Variants in ULK4 observed in about 807,000 individuals in gnomAD.
ULK4 encodes unc-51 like kinase 4.
ULK4 carries 133 observed loss-of-function variants against 160.6 expected under a neutral mutation model. That is an observed-to-expected ratio of 0.83 (90% confidence interval 0.72 to 0.96). The LOEUF (loss-of-function observed/expected upper bound fraction) is 0.96. ULK4 is among the 40% of genes least tolerant of loss of function. The pLI, the probability that ULK4 is intolerant of heterozygous loss-of-function variation, is 0.00. For synonymous variants in ULK4, 534 were observed against 539.8 expected, an observed-to-expected ratio of 0.99 and a Z score of 0.15; for missense variants, 1,580 against 1,499.5, an observed-to-expected ratio of 1.05 and a Z score of -0.89.
chr3:41,643,199 G>C (rs866001609), intron 30 of ULK4, among the ~76,000 whole-genome samples: 2 of 152,062 alleles, frequency 1.3e-5, no homozygotes, highest in Non-Finnish European at 1.5e-5. Context: ...AGTTTAATTA[G>C]ATCCCATTTG....
At chr3:41,357,760 C>T (rs909940633) in intron 35 of ULK4, among the ~76,000 whole-genome samples, 1 of 152,168 alleles carries the variant, frequency 6.6e-6, no homozygotes, top group Non-Finnish European at 1.5e-5. Context: ...CGCTGTACCT[C>T]CAAAAGGAGA....
intron 21 of ULK4, among the ~76,000 whole-genome samples, chr3:41,772,001 G>C (rs1344816491): frequency 6.6e-6 from 1 of 152,078 alleles, no homozygotes; most frequent in Non-Finnish European, 1.5e-5. Context: ...TCAGAAGCAA[G>C]CATGCTCACT....
intron 27 of ULK4, among the ~76,000 whole-genome samples, chr3:41,685,629 A>C (rs535117820): frequency 2.6e-5 from 4 of 152,230 alleles, no homozygotes; most frequent in Non-Finnish European, 5.9e-5. Context: ...CCATTTCTCA[A>C]GATAACATCG....
chr3:41,306,628 C>T (rs1405191221), intron 35 of ULK4, among the ~76,000 whole-genome samples: 1 of 151,888 alleles, frequency 6.6e-6, no homozygotes, highest in African/African-American at 2.4e-5. Context: ...GCCCGGCCAC[C>T]ACCCCGTCTG....
At chr3:41,647,983 C>T (rs573028900) in intron 30 of ULK4, among the ~76,000 whole-genome samples, 35 of 152,310 alleles carry the variant, frequency 2.3e-4, no homozygotes, top group African/African-American at 6.5e-4. Flanking sequence ...ACTCCGTGGG[C>T]GTAGGACCCT....
intron 35 of ULK4, among the ~76,000 whole-genome samples, chr3:41,388,660 G>A (rs1346582736): frequency 6.6e-6 from 1 of 152,008 alleles, no homozygotes; most frequent in Non-Finnish European, 1.5e-5. Flanking sequence ...GTTTTTGTCA[G>A]GTTTGTCAAA....
chr3:41,516,328 CTA>C (rs1276711981), intron 32 of ULK4, among the ~76,000 whole-genome samples: 1 of 152,106 alleles, frequency 6.6e-6, no homozygotes, highest in African/African-American at 2.4e-5. Context: ...GCACTCACTT[CTA>C]TATATGTTTA....
intron 31 of ULK4, among the ~76,000 whole-genome samples, chr3:41,580,449 A>G (rs1030994876): frequency 6.6e-6 from 1 of 150,944 alleles, no homozygotes. Context: ...GGATAGTTTC[A>G]TTTCCCCATA....
intron 22 of ULK4, among the ~76,000 whole-genome samples, chr3:41,721,138 T>G (rs547091165): frequency 4.1e-4 from 62 of 151,542 alleles, no homozygotes; most frequent in Admixed American, 6.6e-4. Context: ...TAATCCATAT[T>G]CATATTTGCT....
chr3:41,858,076 G>A (rs948411420), intron 17 of ULK4, among the ~76,000 whole-genome samples: 27 of 149,516 alleles, frequency 1.8e-4, no homozygotes, highest in Admixed American at 1.4e-3. Flanking sequence ...TCTTTTTGAC[G>A]TAGGCACTTA....
chr3:41,893,318 A>AT (rs1488646159), intron 16 of ULK4, among the ~76,000 whole-genome samples: 4 of 152,206 alleles, frequency 2.6e-5, no homozygotes, highest in Admixed American at 1.3e-4. Flanking sequence ...CAATTAACAA[A>AT]TTTTTTAAAT....
Position 41,954,614 on chromosome 3 carries a change from T to G in ULK4, c.138+8A>C. On this transcript the variant is annotated splice_region_variant and intron_variant, in intron 2 of 36. Transcript: ENST00000301831. ...TTTCCCCATGCCAATGGAAATACAC[T>G]GACTTACCCAGTTGGTTATTTCAGG... 6.2e-7 allele frequency: 1 copy of G among 1,609,414 alleles called. No individual in the cohort carries two copies. Among genetic ancestry groups the G allele is most frequent in the Non-Finnish European group, 8.5e-7 (1 of 1,178,154 alleles).
chr3:41,627,715 A>G (rs1422808375), intron 30 of ULK4, among the ~76,000 whole-genome samples: 1 of 152,206 alleles, frequency 6.6e-6, no homozygotes. Flanking sequence ...TAACAGATAT[A>G]CAAACAAATA....
intron 19 of ULK4, among the ~76,000 whole-genome samples, chr3:41,801,269 T>C (rs763700987): frequency 1.3e-5 from 2 of 152,052 alleles, no homozygotes; most frequent in South Asian, 4.1e-4. Flanking sequence ...CATGAAGACA[T>C]AGCTACTAAC....
At chr3:41,304,423 T>C (rs1307413975) in intron 35 of ULK4, among the ~76,000 whole-genome samples, 2 of 151,482 alleles carry the variant, frequency 1.3e-5, no homozygotes, top group African/African-American at 4.9e-5. Flanking sequence ...GTAGAAAGAG[T>C]CTATGCATGG....
At chr3:41,459,353 C>T (rs1248859327) in intron 33 of ULK4, among the ~76,000 whole-genome samples, 1 of 152,170 alleles carries the variant, frequency 6.6e-6, no homozygotes, top group African/African-American at 2.4e-5. Flanking sequence ...AAGCATGAGT[C>T]ACCATGCCCA....
At chr3:41,585,752 T>C (rs1212931437) in intron 31 of ULK4, among the ~76,000 whole-genome samples, 3 of 152,022 alleles carry the variant, frequency 2.0e-5, no homozygotes, top group African/African-American at 7.2e-5. Flanking sequence ...TGAGAGAAAA[T>C]TTGTGCAAAT....
chr3:41,409,858 AGAACTGTTT>A (rs2082375645), intron 34 of ULK4, among the ~76,000 whole-genome samples: 2 of 152,158 alleles, frequency 1.3e-5, no homozygotes, highest in Non-Finnish European at 2.9e-5. Context: ...CTAAGTCAGA[AGAACTGTTT>A]GAACCCAGGA....
chr3:41,564,449 C>CTTT lies in ULK4; in HGVS notation c.3226+1573_3226+1575dup, dbSNP rs71075476. Among the ~76,000 whole-genome samples, 509 of 80,938 alleles carry CTTT rather than the reference C, an allele frequency of 6.3e-3. 1 individual carries two copies. Among genetic ancestry groups the CTTT allele is most frequent in the African/African-American group, 7.4e-3 (156 of 21,058 alleles). 53.1% of individuals were successfully genotyped at this position (80,938 alleles called of 152,430 possible). A position where few individuals can be genotyped will look rare whatever the true frequency, so the allele number is the denominator to read the frequency against. On this transcript the variant is annotated intron_variant, in intron 32 of 36. Transcript: ENST00000301831. ...GACAGGGACGTTTCTTCTTCTTCTT[C>CTTT]TTTTTTTTTTTTTTTTTTTTTTTTT...
Sources: gnomAD v4.1 joint callset for allele counts (sites outside exome capture counted in the v4.1 genomes callset) on GRCh38, gnomAD v4.1.1 for gene constraint, MANE v1.5 for transcripts, NCBI Gene and HGNC (gene_info 2026-07-23, HGNC 2026-07-21) for gene names.